Variants in EML6 observed in about 807,000 individuals in gnomAD.
EML6 encodes echinoderm microtubule-associated protein-like 6.
A neutral mutation model predicts 240.1 loss-of-function variants in EML6; 154 were observed. The observed-to-expected ratio is 0.64, with a 90% confidence interval of 0.56 to 0.73. The LOEUF is 0.73. Ranked by LOEUF, EML6 falls within the 30% of genes least tolerant of loss-of-function variation. The pLI is 0.00. For synonymous variants in EML6, 1,148 were observed against 899.0 expected (o/e 1.28, Z -4.95); for missense variants, 2,964 against 2,474.6 (o/e 1.20, Z -4.20).
intron 2 of EML6, among the ~76,000 whole-genome samples, chr2:54,779,862 A>C (rs1195295529): frequency 1.6e-5 from 2 of 127,646 alleles, no homozygotes; most frequent in African/African-American, 7.5e-5. Flanking sequence ...TCTCAAAAAA[A>C]AAGAAAAAAA....
chr2:54,967,112 C>G lies in EML6; in HGVS notation c.5597+9C>G. On this transcript the variant is annotated intron_variant, in intron 39 of 41. Transcript: ENST00000356458. ...TGGGCCTCCTGGACAAGGTGACTGA[C>G]TGGAAGAAAAAACTTGAGGAAAAGG... The G allele has an allele frequency of 1.9e-6, 3 of 1,541,250 alleles. No homozygotes were observed. The highest frequency in any genetic ancestry group is 1.4e-5 in the African/African-American group (1 of 72,936).
intron 11 of EML6, among the ~76,000 whole-genome samples, chr2:54,858,496 T>C (rs571388769): frequency 3.9e-5 from 6 of 152,342 alleles, no homozygotes; most frequent in African/African-American, 1.4e-4. Context: ...TACTCAATCA[T>C]GAGCCAGCAT....
At chr2:54,948,408 C>A (rs4625954) in intron 28 of EML6, among the ~76,000 whole-genome samples, 62,762 of 151,984 alleles carry the variant, frequency 0.41, 13,267 homozygotes, top group African/African-American at 0.45. Context: ...GCCCTTTCCG[C>A]AGCCTGGCTT....
At chr2:54,842,668 A>G (rs192220690) in intron 7 of EML6, among the ~76,000 whole-genome samples, 2 of 152,304 alleles carry the variant, frequency 1.3e-5, no homozygotes, top group East Asian at 1.9e-4. Context: ...TTGCTTCTGT[A>G]TTTCTAATTC....
chr2:54,947,235 G>A (rs1675737357), intron 28 of EML6, among the ~76,000 whole-genome samples: 1 of 152,122 alleles, frequency 6.6e-6, no homozygotes, highest in Admixed American at 6.5e-5. Flanking sequence ...TAAAACAGAA[G>A]AAAGAGCAGA....
At chr2:54,887,613 C>T (rs1234488402) in intron 17 of EML6, among the ~76,000 whole-genome samples, 1 of 152,156 alleles carries the variant, frequency 6.6e-6, no homozygotes, top group Non-Finnish European at 1.5e-5. Flanking sequence ...ATCACCTATT[C>T]TTCTAATGTT....
intron 26 of EML6, among the ~76,000 whole-genome samples, chr2:54,922,188 A>T (rs1241795999): frequency 6.6e-6 from 1 of 152,224 alleles, no homozygotes; most frequent in Non-Finnish European, 1.5e-5. Flanking sequence ...AATATACAAA[A>T]TATATAATGA....
chr2:54,924,099 G>C (rs1358362425), intron 26 of EML6, among the ~76,000 whole-genome samples: 5 of 152,112 alleles, frequency 3.3e-5, no homozygotes, highest in African/African-American at 4.8e-5. Context: ...AGTCTTTGTA[G>C]ACATATGCTT....
intron 14 of EML6, chr2:54,867,794 C>G (rs1033746555): frequency 2.0e-5 from 3 of 152,140 alleles, no homozygotes; most frequent in African/African-American, 7.2e-5. Flanking sequence ...AAACAGGAAG[C>G]TATTTTACAT....
chr2:54,849,237 T>C (rs1352306421), intron 9 of EML6, among the ~76,000 whole-genome samples: 1 of 152,206 alleles, frequency 6.6e-6, no homozygotes, highest in Non-Finnish European at 1.5e-5. Context: ...AATTGGGCTA[T>C]CCATCACCTT....
chr2:54,841,893 A>T (rs1295157216), intron 7 of EML6, among the ~76,000 whole-genome samples: 2 of 148,708 alleles, frequency 1.3e-5, no homozygotes, highest in Admixed American at 1.3e-4. Flanking sequence ...GTGCCTTGCC[A>T]TTTTTTTTTT....
At chr2:54,767,873 C>A (rs1223860498) in intron 2 of EML6, among the ~76,000 whole-genome samples, 2 of 152,118 alleles carry the variant, frequency 1.3e-5, no homozygotes, top group Non-Finnish European at 2.9e-5. Flanking sequence ...CTGCCTGCCT[C>A]TGCCTCCCAA....
intron 2 of EML6, among the ~76,000 whole-genome samples, chr2:54,802,656 ACTACTACTACTG>A (rs1205959715): frequency 3.9e-5 from 5 of 127,780 alleles, no homozygotes; most frequent in Non-Finnish European, 8.9e-5. Context: ...TACTACTACT[ACTACTACTACTG>A]CTACTACTAC....
chr2:54,911,306 A>G (rs1673626776), intron 25 of EML6, among the ~76,000 whole-genome samples: 1 of 152,164 alleles, frequency 6.6e-6, no homozygotes, highest in African/African-American at 2.4e-5. Context: ...AGCAATTTGG[A>G]TGTTATATAT....
chr2:54,916,721 G>T, intron 25 of EML6, 38 bp from the exon 26 acceptor site: 1 of 1,445,120 alleles, frequency 6.9e-7, no homozygotes, highest in Non-Finnish European at 9.3e-7. Context: ...AACAAACTAG[G>T]TTGTGCAAAA....
intron 2 of EML6, among the ~76,000 whole-genome samples, chr2:54,790,881 G>A (rs929847843): frequency 2.6e-4 from 39 of 151,686 alleles, no homozygotes; most frequent in Admixed American, 7.9e-4. Flanking sequence ...GCCTGCCACC[G>A]CGCCCAGCTA....
chr2:54,854,731 A>G (rs968034113), intron 11 of EML6, among the ~76,000 whole-genome samples: 4 of 152,272 alleles, frequency 2.6e-5, no homozygotes, highest in Non-Finnish European at 5.9e-5. Flanking sequence ...AAAATGCATA[A>G]CAAGACACCA....
At chr2:54,865,614 G>C (rs1422001217) in intron 13 of EML6, among the ~76,000 whole-genome samples, 1 of 152,156 alleles carries the variant, frequency 6.6e-6, no homozygotes, top group African/African-American at 2.4e-5. Flanking sequence ...ATGTGCATTG[G>C]AGCATTTTGT....
At chr2:54,884,674 C>T (rs557725759) in intron 17 of EML6, among the ~76,000 whole-genome samples, 4 of 152,284 alleles carry the variant, frequency 2.6e-5, no homozygotes, top group African/African-American at 7.2e-5. Flanking sequence ...TGTAATATCA[C>T]AATGGCACTA....
Sources: allele counts gnomAD v4.1 joint callset (sites outside exome capture counted in the v4.1 genomes callset), GRCh38; gene constraint gnomAD v4.1.1; transcripts MANE v1.5; gene names NCBI Gene and HGNC (gene_info 2026-07-23, HGNC 2026-07-21).